Variants in KCNQ3 observed in about 807,000 individuals in gnomAD.
KCNQ3 encodes potassium voltage-gated channel subfamily KQT member 3.
KCNQ3 carries 30 observed loss-of-function variants against 92.5 expected under a neutral mutation model. That is an observed-to-expected ratio of 0.32 (90% confidence interval 0.24 to 0.44). The LOEUF (loss-of-function observed/expected upper bound fraction) is 0.44. KCNQ3 is among the 20% of genes least tolerant of loss of function. KCNQ3 has a pLI of 1.00. For missense variants in KCNQ3, 913 were observed against 1,140.3 expected (o/e 0.80, Z 2.87); for synonymous variants, 450 against 468.8 (o/e 0.96, Z 0.52).
chr8:132,168,706 G>C (rs931309899), intron 8 of KCNQ3, among the ~76,000 whole-genome samples: 1 of 149,280 alleles, frequency 6.7e-6, no homozygotes, highest in African/African-American at 2.5e-5. Flanking sequence ...GAGAAATTGA[G>C]GATAATGAAT....
At chr8:132,309,348 T>A (rs1817524321) in intron 1 of KCNQ3, among the ~76,000 whole-genome samples, 1 of 152,232 alleles carries the variant, frequency 6.6e-6, no homozygotes, top group African/African-American at 2.4e-5. Flanking sequence ...TAATTCATTA[T>A]TCCACAAATA....
chr8:132,196,648 A>G (rs1420859850), intron 1 of KCNQ3, among the ~76,000 whole-genome samples: 2 of 152,222 alleles, frequency 1.3e-5, no homozygotes, highest in Non-Finnish European at 2.9e-5. Context: ...AGCTTGGAGA[A>G]GTTCTTTCCT....
intron 1 of KCNQ3, among the ~76,000 whole-genome samples, chr8:132,222,232 G>A (rs765445053): frequency 3.4e-4 from 51 of 152,104 alleles, no homozygotes; most frequent in Admixed American, 2.8e-3. Flanking sequence ...AGGTAAATCC[G>A]TCTCTAAATC....
At chr8:132,235,524 G>C (rs1267561775) in intron 1 of KCNQ3, among the ~76,000 whole-genome samples, 1 of 152,078 alleles carries the variant, frequency 6.6e-6, no homozygotes, top group African/African-American at 2.4e-5. Context: ...TTCCTGTCCA[G>C]CCACTAGCTG....
At chr8:132,172,825 G>A (rs1826423402) in intron 6 of KCNQ3, 132 bp from the exon 7 acceptor site, 1 of 715,150 alleles carries the variant, frequency 1.4e-6, no homozygotes, top group Non-Finnish European at 2.5e-6. Context: ...ACTGTACAAA[G>A]AAGGGAAGGG....
intron 1 of KCNQ3, among the ~76,000 whole-genome samples, chr8:132,360,201 C>T (rs1819126674): frequency 6.6e-6 from 1 of 152,168 alleles, no homozygotes; most frequent in Non-Finnish European, 1.5e-5. Flanking sequence ...GCCTCCCTGT[C>T]TCTCCTCCCC....
At chr8:132,259,676 T>G (rs1404839001) in intron 1 of KCNQ3, among the ~76,000 whole-genome samples, 1 of 152,062 alleles carries the variant, frequency 6.6e-6, no homozygotes, top group East Asian at 1.9e-4. Context: ...GAAAAATAAA[T>G]AAAAGGCATC....
intron 1 of KCNQ3, among the ~76,000 whole-genome samples, chr8:132,457,898 A>G (rs77195084): frequency 0.095 from 14,413 of 152,186 alleles, 989 homozygotes; most frequent in Non-Finnish European, 0.14. Flanking sequence ...AGGTGGCAAA[A>G]CAGGGATTTG....
At chr8:132,281,391 T>C (rs909286408) in intron 1 of KCNQ3, among the ~76,000 whole-genome samples, 1 of 151,958 alleles carries the variant, frequency 6.6e-6, no homozygotes, top group African/African-American at 2.4e-5. Flanking sequence ...CTGAACTCCA[T>C]AGAAAATTAT....
At chr8:132,395,192 T>C (rs1820161889) in intron 1 of KCNQ3, among the ~76,000 whole-genome samples, 1 of 152,258 alleles carries the variant, frequency 6.6e-6, no homozygotes, top group South Asian at 2.1e-4. Context: ...TGCTTCGATA[T>C]GTATAATGTA....
intron 1 of KCNQ3, among the ~76,000 whole-genome samples, chr8:132,258,574 T>C (rs2130462777): frequency 1.3e-5 from 2 of 151,996 alleles, no homozygotes; most frequent in South Asian, 4.2e-4. Flanking sequence ...TCAAATAAAT[T>C]ACCTAAACTT....
chr8:132,267,455 T>C (rs573319056), intron 1 of KCNQ3, among the ~76,000 whole-genome samples: 2 of 152,328 alleles, frequency 1.3e-5, no homozygotes, highest in South Asian at 4.1e-4. Context: ...TGGTTTCTGC[T>C]GACGGCTTGC....
At position 132,137,808 on chromosome 8, in the gene KCNQ3, G is replaced by A. The variant is rs1454758787; in HGVS notation, c.1700+77C>T. ...TCTCCCTGCATTTTGAATTATTTCT[G>A]AATACCTCTCACCTTAAACTCTAAG... On this transcript the variant is annotated intron_variant, in intron 12 of 14. Transcript: ENST00000388996. 3.9e-6 allele frequency: 6 copies of A among 1,531,730 alleles called. No homozygotes were observed. The East Asian group carries it at 1.1e-4, about 29-fold the overall frequency. The allele number at this position is 1,531,730 out of a possible 1,614,324, so 94.9% of individuals were successfully genotyped here.
chr8:132,394,361 C>T (rs1820135466), intron 1 of KCNQ3, among the ~76,000 whole-genome samples: 1 of 152,142 alleles, frequency 6.6e-6, no homozygotes, highest in African/African-American at 2.4e-5. Context: ...CTTCCCATTC[C>T]AAGAACTTAC....
chr8:132,448,502 G>GAAAAAAAAAAAAAAAAAAAAAAGAAAAAA, intron 1 of KCNQ3, among the ~76,000 whole-genome samples: 1 of 93,884 alleles, frequency 1.1e-5, no homozygotes, highest in Non-Finnish European at 2.1e-5. Flanking sequence ...GGAGAAATAT[G>GAAAAAAAAAAAAAAAAAAAAAAGAAAAAA]AAAAAAAAAA....
intron 1 of KCNQ3, among the ~76,000 whole-genome samples, chr8:132,205,785 G>T (rs576583440): frequency 6.6e-6 from 1 of 152,170 alleles, no homozygotes; most frequent in African/African-American, 2.4e-5. Context: ...TCAATAGATT[G>T]GTTCAATGAC....
At chr8:132,471,916 A>T (rs1054167684) in intron 1 of KCNQ3, among the ~76,000 whole-genome samples, 4 of 152,162 alleles carry the variant, frequency 2.6e-5, no homozygotes, top group African/African-American at 9.7e-5. Context: ...TCAGCAGTTA[A>T]AAAACAAATA....
intron 1 of KCNQ3, among the ~76,000 whole-genome samples, chr8:132,391,576 A>G (rs930365550): frequency 5.9e-5 from 9 of 152,120 alleles, no homozygotes; most frequent in African/African-American, 1.7e-4. Flanking sequence ...AACATCACCA[A>G]ACTACTCTGC....
At chr8:132,295,070 CA>C (rs1324489861) in intron 1 of KCNQ3, among the ~76,000 whole-genome samples, 2 of 152,144 alleles carry the variant, frequency 1.3e-5, no homozygotes, top group Non-Finnish European at 2.9e-5. Flanking sequence ...TTCTGCACAG[CA>C]AAAGAAACTA....
Sources: allele counts gnomAD v4.1 joint callset (sites outside exome capture counted in the v4.1 genomes callset), GRCh38; gene constraint gnomAD v4.1.1; transcripts MANE v1.5; gene names NCBI Gene and HGNC (gene_info 2026-07-23, HGNC 2026-07-21).